Variants in CCSER1 observed in about 807,000 individuals in gnomAD.
The protein encoded by CCSER1 is coiled-coil serine rich protein 1.
A neutral mutation model predicts 82.0 loss-of-function variants in CCSER1; 41 were observed. That is an observed-to-expected ratio of 0.50 (90% CI 0.39 to 0.65). The LOEUF (loss-of-function observed/expected upper bound fraction) is 0.65. CCSER1 is among the 30% of genes least tolerant of loss of function. CCSER1 has a pLI of 0.00. For missense variants in CCSER1, 1,119 were observed against 1,064.2 expected (o/e 1.05, Z -0.72); for synonymous variants, 414 against 383.9 (o/e 1.08, Z -0.92).
At chr4:90,389,612 A>G (rs953606481) in intron 3 of CCSER1, among the ~76,000 whole-genome samples, 1 of 152,202 alleles carries the variant, frequency 6.6e-6, no homozygotes, top group African/African-American at 2.4e-5. Flanking sequence ...ACAACAGTAG[A>G]GACTCTGAAA....
At position 91,057,553 on chromosome 4, in the gene CCSER1, A is replaced by G. The variant is rs74602847; in HGVS notation, c.2173-28397A>G. 8.6e-3 allele frequency among the ~76,000 whole-genome samples: 1,311 copies of G among 152,294 alleles called. 19 individuals carry two copies. The highest frequency in any genetic ancestry group is 0.03 in the African/African-American group (1,264 of 41,558). ...AAAGAAATCATAAGTAGCTGTTTCT[A>G]GTCTTCATTGAAAAGTAAATGGAGT... On this transcript the variant is annotated intron_variant, in intron 9 of 10. Coordinates refer to ENST00000509176, the MANE Select transcript of CCSER1 (RefSeq NM_001145065.2).
rs1758872786 is a variant in CCSER1 at position 91,496,692 on chromosome 4, T to A, written c.2218-101880T>A. 3.1e-4 allele frequency among the ~76,000 whole-genome samples: 8 copies of A among 25,908 alleles called. 2 individuals carry two copies. Among genetic ancestry groups the A allele is most frequent in the Non-Finnish European group, 6.9e-4 (7 of 10,154 alleles). The allele number at this position is 25,908 out of a possible 152,430, so 17.0% of individuals were successfully genotyped here. A position where few individuals can be genotyped will look rare whatever the true frequency, so the allele number is the denominator to read the frequency against. ...TATTCAATATATTTGAATATATATA[T>A]ATTCAATATATATATATATTCAATA... On this transcript the variant is annotated intron_variant, in intron 10 of 10. Transcript: ENST00000509176.
At chr4:90,983,253 G>A (rs1736286724) in intron 9 of CCSER1, among the ~76,000 whole-genome samples, 1 of 151,786 alleles carries the variant, frequency 6.6e-6, no homozygotes, top group East Asian at 2.0e-4. Context: ...GACATCTCAT[G>A]TTGTTTTTAA....
chr4:91,015,812 T>C (rs944390691), intron 9 of CCSER1, among the ~76,000 whole-genome samples: 1 of 152,000 alleles, frequency 6.6e-6, no homozygotes, highest in Admixed American at 6.6e-5. Context: ...CCTGAAAAGA[T>C]TCATATTCAG....
intron 1 of CCSER1, among the ~76,000 whole-genome samples, chr4:90,203,679 A>G (rs1003848478): frequency 1.3e-5 from 2 of 152,192 alleles, no homozygotes; most frequent in African/African-American, 2.4e-5. Flanking sequence ...TATGTATAGT[A>G]GAATGATTTA....
intron 10 of CCSER1, among the ~76,000 whole-genome samples, chr4:91,574,877 G>A (rs993038662): frequency 2.9e-4 from 44 of 151,826 alleles, no homozygotes; most frequent in Admixed American, 1.2e-3. Flanking sequence ...CATGTACCCC[G>A]AGAATCTAAA....
intron 1 of CCSER1, among the ~76,000 whole-genome samples, chr4:90,151,615 A>G (rs990612555): frequency 2.6e-5 from 4 of 152,116 alleles, no homozygotes; most frequent in African/African-American, 9.7e-5. Flanking sequence ...ACTTTGTGTG[A>G]TTAAGAAAAC....
At chr4:90,594,223 A>G (rs958143149) in intron 5 of CCSER1, among the ~76,000 whole-genome samples, 3 of 152,052 alleles carry the variant, frequency 2.0e-5, no homozygotes, top group Non-Finnish European at 4.4e-5. Flanking sequence ...AAAGGATACT[A>G]TGTGGTTTAA....
chr4:90,499,322 G>A (rs946683347), intron 5 of CCSER1, among the ~76,000 whole-genome samples: 1 of 152,000 alleles, frequency 6.6e-6, no homozygotes, highest in Non-Finnish European at 1.5e-5. Flanking sequence ...TCTTACTCAG[G>A]AACTACCAAG....
chr4:91,481,052 CT>C (rs1262696441), intron 10 of CCSER1, among the ~76,000 whole-genome samples: 1 of 138,982 alleles, frequency 7.2e-6, no homozygotes, highest in East Asian at 2.2e-4. Flanking sequence ...CTCCCCACCC[CT>C]GCCCTCCCTT....
chr4:91,082,081 A>C (rs544575173), intron 9 of CCSER1, among the ~76,000 whole-genome samples: 2 of 152,312 alleles, frequency 1.3e-5, no homozygotes, highest in South Asian at 4.1e-4. Context: ...TTTCATACGG[A>C]ACCACAAAAG....
intron 8 of CCSER1, among the ~76,000 whole-genome samples, chr4:90,910,711 C>G (rs984239128): frequency 3.3e-5 from 5 of 152,104 alleles, no homozygotes; most frequent in African/African-American, 1.2e-4. Context: ...TACTGACATT[C>G]CTTCATTTCT....
At chr4:90,406,890 C>G (rs1753817708) in intron 4 of CCSER1, among the ~76,000 whole-genome samples, 1 of 152,028 alleles carries the variant, frequency 6.6e-6, no homozygotes, top group Non-Finnish European at 1.5e-5. Flanking sequence ...AATTAAATGC[C>G]TACATCAAAA....
chr4:90,140,514 T>C (rs1397272236), intron 1 of CCSER1, among the ~76,000 whole-genome samples: 1 of 152,178 alleles, frequency 6.6e-6, no homozygotes, highest in Non-Finnish European at 1.5e-5. Context: ...AATTTTTTAC[T>C]GGAATATTTT....
In CCSER1 at chr4:90,722,748, T is replaced by A. The variant is rs568684232; in HGVS notation, c.1933-1166T>A. ...TGCTGAATATCTTGGTTCCTGTGTT[T>A]ATAGTTCTTATCCTTGGTTTCTGGA... On this transcript the variant is annotated intron_variant, in intron 6 of 10. Transcript: ENST00000509176. 2.0e-5 allele frequency among the ~76,000 whole-genome samples: 3 copies of A among 152,030 alleles called. No individual in the cohort carries two copies. The South Asian group carries it at 6.2e-4, about 31-fold the overall frequency.
chr4:90,551,706 C>CTCTCTCTCTATATATATATATA, intron 5 of CCSER1, among the ~76,000 whole-genome samples: 33 of 104,224 alleles, frequency 3.2e-4, no homozygotes, highest in African/African-American at 6.8e-4. Flanking sequence ...CTCTCTCTCT[C>CTCTCTCTCTATATATATATATA]TATATATATA....
At chr4:90,161,676 A>G (rs1729474026) in intron 1 of CCSER1, among the ~76,000 whole-genome samples, 1 of 152,162 alleles carries the variant, frequency 6.6e-6, no homozygotes, top group Admixed American at 6.5e-5. Flanking sequence ...ATATTGAATC[A>G]GTGTGAATTA....
intron 1 of CCSER1, among the ~76,000 whole-genome samples, chr4:90,203,237 G>A (rs970896836): frequency 6.6e-6 from 1 of 152,146 alleles, no homozygotes; most frequent in African/African-American, 2.4e-5. Flanking sequence ...TGGGATACAT[G>A]TGCAGAACGT....
intron 7 of CCSER1, among the ~76,000 whole-genome samples, chr4:90,764,786 T>C (rs969137740): frequency 6.6e-6 from 1 of 152,116 alleles, no homozygotes; most frequent in Non-Finnish European, 1.5e-5. Flanking sequence ...AGTTGAAAGC[T>C]CCCAACCCAT....
Sources: gnomAD v4.1 joint callset for allele counts (sites outside exome capture counted in the v4.1 genomes callset) on GRCh38, gnomAD v4.1.1 for gene constraint, MANE v1.5 for transcripts, NCBI Gene and HGNC (gene_info 2026-07-23, HGNC 2026-07-21) for gene names.